Variants in DPP10 observed in about 807,000 individuals in gnomAD.
The protein encoded by DPP10 is inactive dipeptidyl peptidase 10.
In DPP10, 33 loss-of-function variants were observed where a neutral mutation model predicts 120.9. That is an observed-to-expected ratio of 0.27 (90% CI 0.21 to 0.37). The LOEUF is 0.37. Ranked by LOEUF, DPP10 falls within the 10% of genes least tolerant of loss-of-function variation. The pLI is 1.00. For missense variants in DPP10, 816 were observed against 942.8 expected (o/e 0.87, Z 1.76); for synonymous variants, 337 against 326.1 (o/e 1.03, Z -0.36).
chr2:114,889,260 C>T (rs752412137), intron 1 of DPP10, among the ~76,000 whole-genome samples: 3 of 152,146 alleles, frequency 2.0e-5, no homozygotes, highest in East Asian at 1.9e-4. Context: ...ATAAGACATC[C>T]GTGTTCACAC....
chr2:115,817,831 G>GA (rs1278055416), intron 21 of DPP10, among the ~76,000 whole-genome samples: 1 of 152,044 alleles, frequency 6.6e-6, no homozygotes, highest in Non-Finnish European at 1.5e-5. Flanking sequence ...GCCAGTCACA[G>GA]AAGGACAAAT....
intron 3 of DPP10, among the ~76,000 whole-genome samples, chr2:115,433,364 T>G (rs1424700282): frequency 6.6e-6 from 1 of 152,038 alleles, no homozygotes; most frequent in East Asian, 1.9e-4. Flanking sequence ...TTAATTTCTA[T>G]TATCTTAATA....
intron 1 of DPP10, among the ~76,000 whole-genome samples, chr2:115,056,361 C>T (rs546305514): frequency 6.6e-6 from 1 of 152,120 alleles, no homozygotes; most frequent in South Asian, 2.1e-4. Context: ...ATTATAGGTT[C>T]TGAATAGCTT....
intron 3 of DPP10, among the ~76,000 whole-genome samples, chr2:115,379,376 T>G (rs181868505): frequency 6.6e-6 from 1 of 152,352 alleles, no homozygotes; most frequent in African/African-American, 2.4e-5. Context: ...GTAGTTTGTA[T>G]TTCTGTGGGA....
At chr2:115,364,183 C>G (rs531897790) in intron 3 of DPP10, among the ~76,000 whole-genome samples, 10 of 152,016 alleles carry the variant, frequency 6.6e-5, no homozygotes, top group Admixed American at 2.0e-4. Context: ...CTTTTTTCAC[C>G]AGCCTGTATT....
intron 5 of DPP10, among the ~76,000 whole-genome samples, chr2:115,556,613 AT>A: frequency 6.6e-6 from 1 of 152,060 alleles, no homozygotes; most frequent in Non-Finnish European, 1.5e-5. Flanking sequence ...TTAGCAAAGG[AT>A]TTAGTTAGGG....
chr2:114,706,013 T>C (rs2105840031), intron 1 of DPP10, among the ~76,000 whole-genome samples: 1 of 152,312 alleles, frequency 6.6e-6, no homozygotes, highest in Non-Finnish European at 1.5e-5. Flanking sequence ...CATTGTTTAG[T>C]AGGTTTATGG....
intron 1 of DPP10, among the ~76,000 whole-genome samples, chr2:115,099,175 G>T (rs535847847): frequency 6.6e-6 from 1 of 151,704 alleles, no homozygotes; most frequent in East Asian, 1.9e-4. Flanking sequence ...ATAGCTGGAC[G>T]TGGTGGTGGG....
intron 1 of DPP10, among the ~76,000 whole-genome samples, chr2:114,614,193 T>A (rs1017552390): frequency 6.6e-6 from 1 of 152,160 alleles, no homozygotes; most frequent in Admixed American, 6.6e-5. Flanking sequence ...CCTTCATACT[T>A]CACCAGACTG....
At chr2:115,759,526 T>G (rs867058293) in intron 11 of DPP10, among the ~76,000 whole-genome samples, 1 of 152,128 alleles carries the variant, frequency 6.6e-6, no homozygotes, top group African/African-American at 2.4e-5. Flanking sequence ...CATTAACTGT[T>G]AAAGAGGACG....
intron 1 of DPP10, among the ~76,000 whole-genome samples, chr2:114,893,233 G>T (rs1031603131): frequency 6.6e-6 from 1 of 152,132 alleles, no homozygotes; most frequent in African/African-American, 2.4e-5. Context: ...ATGGACAACA[G>T]TCTTGAATAA....
chr2:115,650,209 G>A (rs539540860), intron 5 of DPP10, among the ~76,000 whole-genome samples: 2 of 152,212 alleles, frequency 1.3e-5, no homozygotes, highest in East Asian at 3.9e-4. Flanking sequence ...TGTATCTGCA[G>A]AAGTAATTAG....
At chr2:114,696,811 A>T (rs1377560935) in intron 1 of DPP10, among the ~76,000 whole-genome samples, 4 of 152,170 alleles carry the variant, frequency 2.6e-5, no homozygotes, top group African/African-American at 9.6e-5. Flanking sequence ...ATCGCTTGAA[A>T]AAAGCACCAT....
chr2:115,390,984 G>A (rs17355902), intron 3 of DPP10, among the ~76,000 whole-genome samples: 8,677 of 152,164 alleles, frequency 0.057, 344 homozygotes, highest in Middle Eastern at 0.099. Flanking sequence ...GACTGACAGA[G>A]ATCCTAGTAT....
chr2:115,267,370 C>T (rs34018384), intron 1 of DPP10, among the ~76,000 whole-genome samples: 7,200 of 152,160 alleles, frequency 0.047, 304 homozygotes, highest in East Asian at 0.2. Flanking sequence ...AAGGGAATTA[C>T]TGAAGAAATT....
chr2:115,230,347 A>G (rs2057676278), intron 1 of DPP10, among the ~76,000 whole-genome samples: 1 of 151,970 alleles, frequency 6.6e-6, no homozygotes, highest in Admixed American at 6.6e-5. Context: ...TCCAAATATA[A>G]GATTATATCA....
At chr2:114,709,900 G>C (rs1268740941) in intron 1 of DPP10, among the ~76,000 whole-genome samples, 2 of 152,186 alleles carry the variant, frequency 1.3e-5, no homozygotes, top group African/African-American at 4.8e-5. Flanking sequence ...AAATTGAGTA[G>C]AGAATGAGAT....
chr2:115,791,239 A>T, intron 18 of DPP10, 48 bp from the exon 19 acceptor site: 1 of 1,605,260 alleles, frequency 6.2e-7, no homozygotes, highest in Non-Finnish European at 8.5e-7. Context: ...TTATAGTTTT[A>T]CCTGCAAATG....
chr2:115,483,103 T>C (rs2075539227), intron 3 of DPP10, among the ~76,000 whole-genome samples: 1 of 151,976 alleles, frequency 6.6e-6, no homozygotes, highest in African/African-American at 2.4e-5. Flanking sequence ...CAGGATGAAA[T>C]GTAGGTAGGG....
Sources: gnomAD v4.1 joint callset for allele counts (sites outside exome capture counted in the v4.1 genomes callset) on GRCh38, gnomAD v4.1.1 for gene constraint, MANE v1.5 for transcripts, NCBI Gene and HGNC (gene_info 2026-07-23, HGNC 2026-07-21) for gene names.